The following UBE2W variants were observed in gnomAD, a reference collection of about 807,000 sequenced individuals.
UBE2W encodes ubiquitin conjugating enzyme E2 W.
A neutral mutation model predicts 27.2 loss-of-function variants in UBE2W; 18 were observed. That is an observed-to-expected ratio of 0.66 (90% CI 0.46 to 0.98). UBE2W has a LOEUF of 0.98. UBE2W is among the 50% of genes least tolerant of loss of function. The pLI, the probability that UBE2W is intolerant of heterozygous loss-of-function variation, is 0.00. For synonymous variants in UBE2W, 53 were observed against 57.2 expected, an observed-to-expected ratio of 0.93 and a Z score of 0.33; for missense variants, 90 against 180.2, an observed-to-expected ratio of 0.50 and a Z score of 2.87.
At chr8:73,878,357 C>T (rs1447745890) in intron 1 of UBE2W, among the ~76,000 whole-genome samples, 1 of 152,218 alleles carries the variant, frequency 6.6e-6, no homozygotes, top group South Asian at 2.1e-4. Flanking sequence ...TCTCCGGAGA[C>T]GCATTCTCGG....
chr8:73,808,047 T>C (rs1254524298), intron 4 of UBE2W, among the ~76,000 whole-genome samples: 2 of 152,226 alleles, frequency 1.3e-5, no homozygotes, highest in Non-Finnish European at 2.9e-5. Flanking sequence ...CTTCAGTTTA[T>C]GGAACCACTC....
intron 3 of UBE2W, among the ~76,000 whole-genome samples, chr8:73,818,176 T>C (rs1460568588): frequency 3.3e-5 from 5 of 152,206 alleles, no homozygotes; most frequent in African/African-American, 9.7e-5. Context: ...GTCTGTACAG[T>C]TGCATATGCC....
chr8:73,784,581 T>C (rs1807901510), downstream of UBE2W, among the ~76,000 whole-genome samples: 1 of 152,310 alleles, frequency 6.6e-6, no homozygotes, highest in South Asian at 2.1e-4. Flanking sequence ...AGAGAGGATA[T>C]TCATTTGCTT....
rs769466623 is a variant in UBE2W at position 73,856,355 on chromosome 8, G to A, written c.15+22453C>T. 7.1e-3 allele frequency among the ~76,000 whole-genome samples: 767 copies of A among 108,614 alleles called. 2 individuals carry two copies. Among genetic ancestry groups the A allele is most frequent in the Non-Finnish European group, 0.011 (622 of 55,084 alleles). 71.3% of individuals were successfully genotyped at this position (108,614 alleles called of 152,430 possible). A position where few individuals can be genotyped will look rare whatever the true frequency, so the allele number is the denominator to read the frequency against. ...ACATAGACAAATTATATACACTTAT[G>A]AATTTTTTTTTTTTTTTTTTTTTTT... On this transcript the variant is annotated intron_variant, in intron 1 of 5. Coordinates refer to ENST00000602593, the MANE Select transcript of UBE2W (RefSeq NM_018299.6).
intron 5 of UBE2W, among the ~76,000 whole-genome samples, chr8:73,799,025 T>C (rs1222829465): frequency 1.3e-5 from 2 of 152,068 alleles, no homozygotes; most frequent in Non-Finnish European, 2.9e-5. Flanking sequence ...AATGAATAAA[T>C]TTGCATTTCA....
chr8:73,865,586 C>T (rs534365597), intron 1 of UBE2W, among the ~76,000 whole-genome samples: 1 of 152,276 alleles, frequency 6.6e-6, no homozygotes, highest in South Asian at 2.1e-4. Context: ...CATACCCTAG[C>T]CTGGGTGAGA....
intron 1 of UBE2W, among the ~76,000 whole-genome samples, chr8:73,872,021 G>A (rs569659260): frequency 6.6e-6 from 1 of 152,178 alleles, no homozygotes; most frequent in South Asian, 2.1e-4. Context: ...AGCCCCCCAA[G>A]TAGCTGGGAC....
intron 3 of UBE2W, among the ~76,000 whole-genome samples, chr8:73,820,009 G>A (rs1364784864): frequency 6.6e-6 from 1 of 152,146 alleles, no homozygotes; most frequent in African/African-American, 2.4e-5. Flanking sequence ...AGATGGGGTT[G>A]CCCTACGTTG....
chr8:73,872,723 TACTAA>T (rs1460672578), intron 1 of UBE2W, among the ~76,000 whole-genome samples: 2 of 152,322 alleles, frequency 1.3e-5, no homozygotes, highest in African/African-American at 4.8e-5. Flanking sequence ...ATTAAGCATT[TACTAA>T]ACTACTTTAT....
chr8:73,853,290 T>A (rs1811153539), intron 1 of UBE2W, among the ~76,000 whole-genome samples: 1 of 152,098 alleles, frequency 6.6e-6, no homozygotes, highest in South Asian at 2.1e-4. Context: ...GATAAAATAG[T>A]TGGTTAGATG....
Position 73,790,288 on chromosome 8 carries a change from G to A in UBE2W, c.*3814C>T. ...GCAGAAAAATAGGAAGAAAAATAAA[G>A]GACAGATTTAAAACAATTTAAAAAG... On this transcript the variant is annotated 3_prime_UTR_variant, in exon 6 of 6. Transcript: ENST00000602593. The A allele has an allele frequency of 1.0e-6, 1 of 985,292 alleles. No homozygotes were observed. Among genetic ancestry groups the A allele is most frequent in the Non-Finnish European group, 1.2e-6 (1 of 829,902 alleles). 61.0% of individuals were successfully genotyped at this position (985,292 alleles called of 1,614,324 possible).
At chr8:73,826,516 C>T (rs944264030) in intron 2 of UBE2W, among the ~76,000 whole-genome samples, 1 of 152,000 alleles carries the variant, frequency 6.6e-6, no homozygotes, top group Non-Finnish European at 1.5e-5. Flanking sequence ...TACTATGAAC[C>T]TTGGATTATG....
At position 73,791,468 on chromosome 8, in the gene UBE2W, C is replaced by T. The variant is rs190010724; in HGVS notation, c.*2634G>A. 1.3e-3 allele frequency: 1,318 copies of T among 985,128 alleles called. 2 individuals carry two copies. The highest frequency in any genetic ancestry group is 1.5e-3 in the Non-Finnish European group (1,227 of 829,802). 61.0% of individuals were successfully genotyped at this position (985,128 alleles called of 1,614,324 possible). On this transcript the variant is annotated 3_prime_UTR_variant, in exon 6 of 6. Coordinates refer to ENST00000602593, the MANE Select transcript of UBE2W (RefSeq NM_018299.6). ...CTGTAGGCCTATGTCGCAAATAGTG[C>T]CCCACGAGGAAATGCAGGGAGGAGG...
In UBE2W at chr8:73,788,120, A is replaced by AG; in HGVS notation, c.*5981dup. On this transcript the variant is annotated 3_prime_UTR_variant, in exon 6 of 6. Coordinates refer to ENST00000602593, the MANE Select transcript of UBE2W (RefSeq NM_018299.6). ...TATCCCATTTAGTATTCAAGTCTACAGAAAAAATCCAATAACAACTGCTTT... is the reference window on the plus strand; with the variant it reads ...TATCCCATTTAGTATTCAAGTCTACAGGAAAAAATCCAATAACAACTGCTTT... 1.0e-6 allele frequency: 1 copy of AG among 983,850 alleles called. No homozygotes were observed. Among genetic ancestry groups the AG allele is most frequent in the South Asian group, 4.7e-5 (1 of 21,264 alleles). The allele number at this position is 983,850 out of a possible 1,614,324, so 60.9% of individuals were successfully genotyped here. A position where few individuals can be genotyped will look rare whatever the true frequency, so the allele number is the denominator to read the frequency against.
chr8:73,870,316 A>G (rs747500357), intron 1 of UBE2W: 23 of 1,574,002 alleles, frequency 1.5e-5, no homozygotes, highest in Non-Finnish European at 1.9e-5. Context: ...AAATACAAAG[A>G]AAGACCTCAT....
intron 5 of UBE2W, among the ~76,000 whole-genome samples, chr8:73,803,272 T>C (rs971462021): frequency 2.6e-5 from 4 of 152,152 alleles, no homozygotes; most frequent in Non-Finnish European, 5.9e-5. Context: ...AAATATTTTA[T>C]GCAGTGAAAA....
intron 3 of UBE2W, among the ~76,000 whole-genome samples, chr8:73,820,093 C>T (rs956695025): frequency 6.6e-6 from 1 of 152,054 alleles, no homozygotes; most frequent in Admixed American, 6.6e-5. Context: ...GAGTACCATG[C>T]CCAGCCAGAA....
rs968058362 is a variant in UBE2W at position 73,790,183 on chromosome 8, GA to G, written c.*3918del. The G allele has an allele frequency of 6.2e-4, 570 of 922,554 alleles. 3 individuals carry two copies. The African/African-American group carries it at 8.9e-3, about 14-fold the overall frequency. 57.1% of individuals were successfully genotyped at this position (922,554 alleles called of 1,614,324 possible). On this transcript the variant is annotated 3_prime_UTR_variant, in exon 6 of 6. Coordinates refer to ENST00000602593, the MANE Select transcript of UBE2W (RefSeq NM_018299.6). Reference sequence around the variant, plus strand: ...TCCTTCTGTAGAATCCCTAACCTCAGAAAAAAAAAAGAGAGAATAAATTAGA... The same window carrying G: ...TCCTTCTGTAGAATCCCTAACCTCAGAAAAAAAAAGAGAGAATAAATTAGA...
At chr8:73,807,741 T>A (rs997667465) in intron 4 of UBE2W, among the ~76,000 whole-genome samples, 1 of 152,104 alleles carries the variant, frequency 6.6e-6, no homozygotes, top group Non-Finnish European at 1.5e-5. Flanking sequence ...CCAAGAATCA[T>A]CAGAAAAGTC....
Sources: gnomAD v4.1 joint callset for allele counts (sites outside exome capture counted in the v4.1 genomes callset) on GRCh38, gnomAD v4.1.1 for gene constraint, MANE v1.5 for transcripts, NCBI Gene and HGNC (gene_info 2026-07-23, HGNC 2026-07-21) for gene names.